The following PATJ variants were observed in gnomAD, a reference collection of about 807,000 sequenced individuals.
PATJ encodes the protein inaD-like protein.
Under a neutral mutation model 224.9 loss-of-function variants are expected in PATJ, and 190 were observed. The ratio of observed to expected loss-of-function variants is 0.84; its 90% CI spans 0.75 to 0.95. PATJ has a LOEUF of 0.95. PATJ is among the 40% of genes least tolerant of loss of function. The probability of loss-of-function intolerance (pLI) is 0.00; values close to 1 mark genes in which losing one functional copy is unlikely to be tolerated. For synonymous variants in PATJ, 769 were observed against 820.3 expected, an observed-to-expected ratio of 0.94 and a Z score of 1.07; for missense variants, 2,121 against 2,270.3, an observed-to-expected ratio of 0.93 and a Z score of 1.34.
chr1:62,141,209 C>T (rs1667464709), intron 41 of PATJ, among the ~76,000 whole-genome samples: 1 of 151,242 alleles, frequency 6.6e-6, no homozygotes, highest in Admixed American at 6.6e-5. Context: ...CCTCACACCA[C>T]AGTTAGGAGT....
At chr1:61,970,203 A>C (rs1402882096) in intron 27 of PATJ, among the ~76,000 whole-genome samples, 1 of 151,906 alleles carries the variant, frequency 6.6e-6, no homozygotes, top group Admixed American at 6.6e-5. Context: ...GGAGTAATAG[A>C]CATTTTTTCT....
In PATJ at chr1:61,790,515, G is replaced by GTTTT. The variant is rs377372844; in HGVS notation, c.1069-824_1069-821dup. On this transcript the variant is annotated intron_variant, in intron 8 of 43. Coordinates refer to ENST00000642238, the MANE Select transcript of PATJ (RefSeq NM_001350145.3). ...TCTTCTTTTTCTTCTTCTTTTTTTT[G>GTTTT]TTTTTTTTTTTTGTTTGAGACAGAG... Among the ~76,000 whole-genome samples the GTTTT allele has an allele frequency of 3.2e-4, 41 of 129,006 alleles. 7 individuals carry two copies. Among genetic ancestry groups the GTTTT allele is most frequent in the East Asian group, 4.6e-4 (2 of 4,340 alleles). 84.6% of individuals were successfully genotyped at this position (129,006 alleles called of 152,430 possible). A position where few individuals can be genotyped will look rare whatever the true frequency, so the allele number is the denominator to read the frequency against.
intron 27 of PATJ, among the ~76,000 whole-genome samples, chr1:61,969,983 C>G (rs576773455): frequency 6.6e-6 from 1 of 152,034 alleles, no homozygotes; most frequent in African/African-American, 2.4e-5. Context: ...CATGAGCCAC[C>G]GTGCCCGGCC....
At chr1:61,986,468 T>C (rs1414158135) in intron 27 of PATJ, among the ~76,000 whole-genome samples, 1 of 152,110 alleles carries the variant, frequency 6.6e-6, no homozygotes, top group Non-Finnish European at 1.5e-5. Flanking sequence ...TAGCCCAGGC[T>C]AAAGTGCAGT....
At chr1:61,905,149 A>G (rs1671691748) in intron 24 of PATJ, among the ~76,000 whole-genome samples, 1 of 152,230 alleles carries the variant, frequency 6.6e-6, no homozygotes, top group African/African-American at 2.4e-5. Flanking sequence ...TAGAAATTCC[A>G]TTATAGTTCT....
At chr1:62,136,194 G>A (rs1031720455) in intron 41 of PATJ, among the ~76,000 whole-genome samples, 3 of 150,934 alleles carry the variant, frequency 2.0e-5, no homozygotes, top group African/African-American at 4.9e-5. Context: ...CGCCACGCCC[G>A]GCTAATTTTG....
chr1:61,976,391 G>A (rs1440351454), intron 27 of PATJ, among the ~76,000 whole-genome samples: 1 of 151,854 alleles, frequency 6.6e-6, no homozygotes, highest in Non-Finnish European at 1.5e-5. Context: ...GCATTGTTGT[G>A]AGGGGTTTTT....
At chr1:61,914,173 A>G (rs1673084132) in intron 25 of PATJ, among the ~76,000 whole-genome samples, 1 of 152,236 alleles carries the variant, frequency 6.6e-6, no homozygotes, top group Non-Finnish European at 1.5e-5. Flanking sequence ...ATGTAATGAT[A>G]GGCCAGGCTC....
At chr1:61,968,196 C>T (rs1682433741) in intron 27 of PATJ, among the ~76,000 whole-genome samples, 2 of 152,142 alleles carry the variant, frequency 1.3e-5, no homozygotes, top group African/African-American at 4.8e-5. Context: ...TTAAACTCAT[C>T]TTAGCTACCA....
intron 27 of PATJ, among the ~76,000 whole-genome samples, chr1:61,958,713 C>G (rs558702853): frequency 5.9e-5 from 9 of 152,236 alleles, no homozygotes; most frequent in Non-Finnish European, 1.0e-4. Context: ...CAGGGGTTAC[C>G]TGGTAGAGGG....
intron 22 of PATJ, among the ~76,000 whole-genome samples, chr1:61,895,661 A>G (rs61770460): frequency 0.54 from 80,642 of 150,144 alleles, 22,117 homozygotes; most frequent in Admixed American, 0.63. Flanking sequence ...GCAGAAGTCA[A>G]CTCGGGCAGA....
intron 39 of PATJ, among the ~76,000 whole-genome samples, chr1:62,124,684 C>T (rs990683030): frequency 6.6e-6 from 1 of 152,122 alleles, no homozygotes; most frequent in African/African-American, 2.4e-5. Flanking sequence ...TTTCCTGAGG[C>T]CCCCCTCCTT....
chr1:61,929,927 A>C (rs1675771340), intron 27 of PATJ, among the ~76,000 whole-genome samples: 1 of 152,202 alleles, frequency 6.6e-6, no homozygotes, highest in Non-Finnish European at 1.5e-5. Context: ...TGCCTAAAAT[A>C]GGCAGACTCA....
chr1:61,856,446 T>C (rs191982492), intron 18 of PATJ, among the ~76,000 whole-genome samples: 129 of 152,316 alleles, frequency 8.5e-4, no homozygotes, highest in Non-Finnish European at 1.4e-3. Flanking sequence ...AAAGGTTATA[T>C]TCATTAAGTG....
At chr1:61,977,212 C>T (rs1644183713) in intron 27 of PATJ, among the ~76,000 whole-genome samples, 1 of 152,048 alleles carries the variant, frequency 6.6e-6, no homozygotes, top group East Asian at 1.9e-4. Flanking sequence ...CTCAGCCACC[C>T]GCGGAGCTGG....
chr1:62,161,337 T>A lies in PATJ; in HGVS notation c.*283T>A, dbSNP rs1400929436. On this transcript the variant is annotated 3_prime_UTR_variant, in exon 44 of 44. Coordinates refer to ENST00000642238, the MANE Select transcript of PATJ (RefSeq NM_001350145.3). The stretch of plus-strand genomic sequence containing the variant: ...AATTTCAGTGTTCCGATTTCTTTTT[T>A]TTTTTTTTTTTTTTTTTTTGAGACG... The A allele has an allele frequency of 2.0e-5, 3 of 147,830 alleles. No individual in the cohort carries two copies. Among genetic ancestry groups the A allele is most frequent in the Non-Finnish European group, 2.2e-5 (2 of 91,800 alleles). 9.2% of individuals were successfully genotyped at this position (147,830 alleles called of 1,614,324 possible).
chr1:62,106,080 AC>A (rs1662917061), intron 33 of PATJ, among the ~76,000 whole-genome samples: 1 of 10,860 alleles, frequency 9.2e-5, no homozygotes, highest in African/African-American at 2.5e-4. Flanking sequence ...ATATATATAT[AC>A]ACACACACAC....
intron 20 of PATJ, among the ~76,000 whole-genome samples, chr1:61,870,832 A>C (rs1260177127): frequency 6.6e-6 from 1 of 152,152 alleles, no homozygotes; most frequent in South Asian, 2.1e-4. Flanking sequence ...GCACCAGTTT[A>C]TATTTCCATT....
In PATJ at chr1:61,894,269, AC is replaced by A. The variant is rs1168730449; in HGVS notation, c.3132-5313del. On this transcript the variant is annotated intron_variant, in intron 22 of 43. Coordinates refer to ENST00000642238, the MANE Select transcript of PATJ (RefSeq NM_001350145.3). ...AACTCTATCTCATAAAAAAAAAAAA[AC>A]ACAAAAAAAAAACAGAGAATTCTAA... Among the ~76,000 whole-genome samples, 21 of 142,378 alleles carry A rather than the reference AC, an allele frequency of 1.5e-4. No individual in the cohort carries two copies. The East Asian group carries it at 1.7e-3, about 12-fold the overall frequency. The allele number at this position is 142,378 out of a possible 152,430, so 93.4% of individuals were successfully genotyped here. A position where few individuals can be genotyped will look rare whatever the true frequency, so the allele number is the denominator to read the frequency against.
Sources: gnomAD v4.1 joint callset for allele counts (sites outside exome capture counted in the v4.1 genomes callset) on GRCh38, gnomAD v4.1.1 for gene constraint, MANE v1.5 for transcripts, NCBI Gene and HGNC (gene_info 2026-07-23, HGNC 2026-07-21) for gene names.